CNIH3: variants seen among roughly 807,000 people sequenced by gnomAD.
CNIH3 encodes the protein cornichon family AMPA receptor auxiliary protein 3.
Under a neutral mutation model 24.1 loss-of-function variants are expected in CNIH3, and 14 were observed. That is an observed-to-expected ratio of 0.58 (90% CI 0.38 to 0.91). The LOEUF (loss-of-function observed/expected upper bound fraction) is 0.91, where lower values mean the gene tolerates loss of function less well. CNIH3 is among the 40% of genes least tolerant of loss of function. The pLI is 0.00. For missense variants in CNIH3, 178 were observed against 196.8 expected (o/e 0.90, Z 0.57); for synonymous variants, 68 against 73.8 (o/e 0.92, Z 0.40).
At position 224,704,929 on chromosome 1, in the gene CNIH3, A is replaced by G. The variant is rs1687698005; in HGVS notation, c.198+20086A>G. Among the ~76,000 whole-genome samples the G allele has an allele frequency of 6.6e-6, 1 of 152,022 alleles. No individual in the cohort carries two copies. Among genetic ancestry groups the G allele is most frequent in the South Asian group, 2.1e-4 (1 of 4,812 alleles). ...GTTCAAGACCAGCCTGACCAATGTGATGAAACCCCGTCTCTAGTAAAAAAT... is the reference window on the plus strand; with the variant it reads ...GTTCAAGACCAGCCTGACCAATGTGGTGAAACCCCGTCTCTAGTAAAAAAT... On this transcript the variant is annotated intron_variant, in intron 3 of 5. Transcript: ENST00000272133. The surrounding 1 kb of genome is among the most constrained non-coding windows in gnomAD (Gnocchi z 4.2).
At chr1:224,574,662 A>T in intron 4 of CNIH3, 1 of 1,014,532 alleles carries the variant, frequency 9.9e-7, no homozygotes, top group Non-Finnish European at 1.6e-6. Flanking sequence ...CTTCATCACC[A>T]GCAAGCTGTG....
chr1:224,597,628 G>A (rs1202536702), intron 3 of CNIH3, among the ~76,000 whole-genome samples: 1 of 152,168 alleles, frequency 6.6e-6, no homozygotes, highest in Non-Finnish European at 1.5e-5. Context: ...GGGTCCTAGA[G>A]GGTGATGTGT....
chr1:224,499,202 C>T (rs1677557974), intron 1 of CNIH3, among the ~76,000 whole-genome samples: 3 of 152,168 alleles, frequency 2.0e-5, no homozygotes, highest in Admixed American at 1.3e-4. Context: ...TTAAAAATTT[C>T]CTGTTGTTTG....
chr1:224,616,002 C>A (rs1338764473), upstream of CNIH3: 4 of 152,700 alleles, frequency 2.6e-5, no homozygotes, highest in African/African-American at 9.7e-5. Flanking sequence ...ACACACCATA[C>A]CCTTCCGCAG....
intron 1 of CNIH3, among the ~76,000 whole-genome samples, chr1:224,518,838 A>C (rs1236297307): frequency 6.6e-6 from 1 of 152,200 alleles, no homozygotes; most frequent in Admixed American, 6.5e-5. Context: ...TTGGATTTCG[A>C]GTTTAGTCCT....
intron 1 of CNIH3, among the ~76,000 whole-genome samples, chr1:224,500,266 G>A (rs978364109): frequency 1.3e-5 from 2 of 151,878 alleles, no homozygotes; most frequent in East Asian, 3.9e-4. Flanking sequence ...TCCCACCTCA[G>A]CCTCCCAAAG....
At chr1:224,492,594 G>A (rs1032347814) in intron 1 of CNIH3, among the ~76,000 whole-genome samples, 1 of 152,156 alleles carries the variant, frequency 6.6e-6, no homozygotes, top group African/African-American at 2.4e-5. Context: ...AATCATTATT[G>A]TTTGAAGTTT....
chr1:224,665,319 A>G (rs1685543427), intron 1 of CNIH3, among the ~76,000 whole-genome samples: 1 of 152,152 alleles, frequency 6.6e-6, no homozygotes, highest in African/African-American at 2.4e-5. Context: ...GAAGGAGGTA[A>G]CCTACTTCAT....
At chr1:224,445,574 T>TAAAAAA (rs369951294) in intron 1 of CNIH3, among the ~76,000 whole-genome samples, 6 of 90,386 alleles carry the variant, frequency 6.6e-5, no homozygotes, top group Non-Finnish European at 9.8e-5. Context: ...GGACTCTGCT[T>TAAAAAA]AAAAAAAAAA....
At chr1:224,574,566 T>G in intron 4 of CNIH3, 1 of 769,820 alleles carries the variant, frequency 1.3e-6, no homozygotes. Flanking sequence ...CCACATCGAC[T>G]GTGCCCACGT....
At chr1:224,569,133 G>T (rs1680710117) in intron 4 of CNIH3, among the ~76,000 whole-genome samples, 2 of 152,186 alleles carry the variant, frequency 1.3e-5, no homozygotes, top group Non-Finnish European at 2.9e-5. Flanking sequence ...CTCCCAAAGT[G>T]GTGGGATTAC....
At chr1:224,505,816 GT>G (rs1160978651) in intron 1 of CNIH3, among the ~76,000 whole-genome samples, 2 of 152,130 alleles carry the variant, frequency 1.3e-5, no homozygotes, top group African/African-American at 4.8e-5. Context: ...AACCATTGGC[GT>G]TCAATAAAAT....
At chr1:224,607,921 C>T (rs1273693066) in intron 3 of CNIH3, among the ~76,000 whole-genome samples, 2 of 152,074 alleles carry the variant, frequency 1.3e-5, no homozygotes, top group African/African-American at 4.8e-5. Flanking sequence ...TTTTACAGCA[C>T]TCAAAATTTT....
At chr1:224,577,726 A>G (rs1010034694) in intron 4 of CNIH3, among the ~76,000 whole-genome samples, 1 of 152,242 alleles carries the variant, frequency 6.6e-6, no homozygotes, top group African/African-American at 2.4e-5. Flanking sequence ...GTATCTACCC[A>G]GAGGAAAATA....
At chr1:224,690,719 T>A (rs1572730467) in intron 3 of CNIH3, among the ~76,000 whole-genome samples, 1 of 152,214 alleles carries the variant, frequency 6.6e-6, no homozygotes, top group East Asian at 1.9e-4. Context: ...AGTGGGTGGA[T>A]TATTTTCATT....
intron 3 of CNIH3, 100 bp from the exon 4 acceptor site, chr1:224,730,362 G>A (rs537982976): frequency 1.9e-5 from 14 of 728,276 alleles, no homozygotes; most frequent in East Asian, 2.7e-5. Flanking sequence ...TGTGTCAACC[G>A]TCTGTGAGAG....
In CNIH3 at chr1:224,467,793, T is replaced by A. The variant is rs1177356923; in HGVS notation, n.203+32931T>A. Among the ~76,000 whole-genome samples, 3 of 125,846 alleles carry A rather than the reference T, an allele frequency of 2.4e-5. No individual in the cohort carries two copies. In the East Asian group the frequency reaches 8.4e-4, roughly 35 times the overall value. 82.6% of individuals were successfully genotyped at this position (125,846 alleles called of 152,430 possible). A position where few individuals can be genotyped will look rare whatever the true frequency, so the allele number is the denominator to read the frequency against. On this transcript the variant is annotated intron_variant and non_coding_transcript_variant, in intron 1 of 5. Coordinates refer to the CNIH3 transcript ENST00000471578. ...CGTAGGTTTTGAAGATTTCCTCCTGTTTTTTTTTTTTCCAAAAGTTTCATA... is the reference window on the plus strand; with the variant it reads ...CGTAGGTTTTGAAGATTTCCTCCTGATTTTTTTTTTTCCAAAAGTTTCATA...
intron 3 of CNIH3, among the ~76,000 whole-genome samples, chr1:224,554,480 G>T (rs1680053697): frequency 6.6e-6 from 1 of 151,910 alleles, no homozygotes; most frequent in South Asian, 2.1e-4. Context: ...AAAAATGGGT[G>T]GTTGCATCTG....
At chr1:224,442,159 C>T (rs1674946033) in intron 1 of CNIH3, among the ~76,000 whole-genome samples, 1 of 151,902 alleles carries the variant, frequency 6.6e-6, no homozygotes, top group Non-Finnish European at 1.5e-5. Flanking sequence ...GCTGGGACCA[C>T]AGGCATGCAC....
Sources: gnomAD v4.1 joint callset for allele counts (sites outside exome capture counted in the v4.1 genomes callset) on GRCh38, gnomAD v4.1.1 for gene constraint, Gnocchi (gnomAD v3.1) non-coding constraint, MANE v1.5 for transcripts, NCBI Gene and HGNC (gene_info 2026-07-23, HGNC 2026-07-21) for gene names.